Variants in EXOC6B observed in about 807,000 individuals in gnomAD.
EXOC6B encodes the protein exocyst complex component 6B.
In EXOC6B, 54 loss-of-function variants were observed where a neutral mutation model predicts 113.5. The ratio of observed to expected loss-of-function variants is 0.48; its 90% CI spans 0.38 to 0.60. The LOEUF is 0.60. EXOC6B is among the 20% of genes least tolerant of loss of function. EXOC6B has a pLI of 0.00. For missense variants in EXOC6B, 797 were observed against 977.5 expected (o/e 0.82, Z 2.46); for synonymous variants, 357 against 339.0 (o/e 1.05, Z -0.58).
chr2:72,627,067 CAT>C (rs527285605), intron 6 of EXOC6B, among the ~76,000 whole-genome samples: 3 of 152,068 alleles, frequency 2.0e-5, no homozygotes, highest in African/African-American at 7.2e-5. Context: ...AGATAAATAA[CAT>C]ATGTTTTGTA....
chr2:72,447,429 A>C (rs769048693), intron 18 of EXOC6B, among the ~76,000 whole-genome samples: 18 of 152,176 alleles, frequency 1.2e-4, no homozygotes, highest in Non-Finnish European at 2.4e-4. Context: ...TATACCTTCA[A>C]ATATATGAAG....
At chr2:72,234,138 G>A (rs1236394294) in intron 20 of EXOC6B, among the ~76,000 whole-genome samples, 1 of 149,676 alleles carries the variant, frequency 6.7e-6, no homozygotes, top group Non-Finnish European at 1.5e-5. Context: ...CTAGGCTGGA[G>A]TGCAGTGGTG....
intron 17 of EXOC6B, among the ~76,000 whole-genome samples, chr2:72,474,120 T>A (rs1197314542): frequency 6.6e-6 from 1 of 152,130 alleles, no homozygotes; most frequent in East Asian, 1.9e-4. Context: ...AGGTTTCTTC[T>A]GAGAAATCCA....
At chr2:72,349,647 T>G (rs1370878841) in intron 19 of EXOC6B, among the ~76,000 whole-genome samples, 1 of 152,188 alleles carries the variant, frequency 6.6e-6, no homozygotes, top group Non-Finnish European at 1.5e-5. Flanking sequence ...GGAGTGGACA[T>G]GGAAGATTGC....
intron 20 of EXOC6B, among the ~76,000 whole-genome samples, chr2:72,240,438 T>A (rs948977299): frequency 1.3e-5 from 2 of 151,828 alleles, no homozygotes; most frequent in African/African-American, 2.4e-5. Flanking sequence ...GAAAAAAAAA[T>A]AATAAAGCAA....
intron 20 of EXOC6B, among the ~76,000 whole-genome samples, chr2:72,322,257 T>C (rs1363518703): frequency 6.6e-6 from 1 of 152,194 alleles, no homozygotes; most frequent in East Asian, 1.9e-4. Flanking sequence ...AATGAACTAT[T>C]GACACCCCCA....
intron 15 of EXOC6B, among the ~76,000 whole-genome samples, chr2:72,493,334 C>CT (rs1699858626): frequency 4.0e-5 from 5 of 124,400 alleles, no homozygotes; most frequent in African/African-American, 2.2e-4. Context: ...CCCCCCCCCC[C>CT]GCATTTTTAC....
At chr2:72,362,258 A>G (rs142283588) in intron 19 of EXOC6B, among the ~76,000 whole-genome samples, 20 of 152,312 alleles carry the variant, frequency 1.3e-4, no homozygotes, top group African/African-American at 4.8e-4. Context: ...ATTACATTAC[A>G]TTTAAAAAGA....
chr2:72,248,026 A>G (rs996306936), intron 20 of EXOC6B, among the ~76,000 whole-genome samples: 1 of 152,206 alleles, frequency 6.6e-6, no homozygotes, highest in African/African-American at 2.4e-5. Flanking sequence ...ACCAAATCTC[A>G]GAGAGTGATT....
intron 20 of EXOC6B, among the ~76,000 whole-genome samples, chr2:72,225,890 G>C (rs1250759122): frequency 1.3e-5 from 2 of 152,066 alleles, no homozygotes; most frequent in Admixed American, 1.3e-4. Flanking sequence ...TAAATCTGTA[G>C]GACTGAGTCC....
Position 72,371,511 on chromosome 2 carries a change from G to A in EXOC6B, c.2122+8218C>T, listed in dbSNP as rs546997069. Among the ~76,000 whole-genome samples the A allele has an allele frequency of 3.8e-4, 57 of 151,980 alleles. 1 individual carries two copies. The highest frequency in any genetic ancestry group is 1.1e-3 in the African/African-American group (44 of 41,472). On this transcript the variant is annotated intron_variant, in intron 19 of 21. Coordinates refer to ENST00000272427, the MANE Select transcript of EXOC6B (RefSeq NM_015189.3). ...TCATGACCAAGTGGGATTTATCCCC[G>A]GGATGCAAGGATGGTTCAACATACA...
At chr2:72,614,198 G>A (rs866160869) in intron 6 of EXOC6B, among the ~76,000 whole-genome samples, 19 of 152,116 alleles carry the variant, frequency 1.2e-4, no homozygotes, top group African/African-American at 3.9e-4. Context: ...TGCAAGGCAA[G>A]GGATCAAACT....
At chr2:72,347,025 C>A (rs1356138473) in intron 19 of EXOC6B, among the ~76,000 whole-genome samples, 1 of 152,266 alleles carries the variant, frequency 6.6e-6, no homozygotes, top group East Asian at 1.9e-4. Flanking sequence ...CAATATGCAA[C>A]TCCCACCCTA....
At chr2:72,671,443 C>T (rs890904430) in intron 6 of EXOC6B, among the ~76,000 whole-genome samples, 1 of 152,126 alleles carries the variant, frequency 6.6e-6, no homozygotes, top group African/African-American at 2.4e-5. Context: ...GCCTGTAATC[C>T]CAGCACTCTG....
intron 20 of EXOC6B, among the ~76,000 whole-genome samples, chr2:72,190,766 A>C (rs1028350618): frequency 1.3e-5 from 2 of 152,212 alleles, no homozygotes; most frequent in African/African-American, 4.8e-5. Flanking sequence ...ACTCCCCAGA[A>C]GCTCATTCCT....
intron 18 of EXOC6B, among the ~76,000 whole-genome samples, chr2:72,381,262 G>A (rs1691661699): frequency 6.6e-6 from 1 of 152,142 alleles, no homozygotes; most frequent in South Asian, 2.1e-4. Context: ...AGATTTTGAA[G>A]TGTATTGTAT....
At chr2:72,428,508 A>G (rs1014469013) in intron 18 of EXOC6B, among the ~76,000 whole-genome samples, 8 of 152,184 alleles carry the variant, frequency 5.3e-5, no homozygotes, top group Non-Finnish European at 1.0e-4. Context: ...GCAGCAGACA[A>G]GTCTGACTGC....
rs1163864913 is a variant in EXOC6B at position 72,484,566 on chromosome 2, CAAAAAAA to C, written c.1666-3823_1666-3817del. ...TGGGCGACAGAGCGAGACTCCGTCA[CAAAAAAA>C]AAAAAAAAAAAAAAATTCCCTCCCC... On this transcript the variant is annotated intron_variant, in intron 16 of 21. Transcript: ENST00000272427. Among the ~76,000 whole-genome samples, 390 of 52,652 alleles carry C rather than the reference CAAAAAAA, an allele frequency of 7.4e-3. 3 individuals are homozygous for C. The highest frequency in any genetic ancestry group is 0.034 in the Middle Eastern group (2 of 58). The allele number at this position is 52,652 out of a possible 152,430, so 34.5% of individuals were successfully genotyped here.
intron 6 of EXOC6B, among the ~76,000 whole-genome samples, chr2:72,595,056 C>A (rs1340354974): frequency 6.6e-6 from 1 of 151,900 alleles, no homozygotes; most frequent in Non-Finnish European, 1.5e-5. Context: ...GTCAGGAGTT[C>A]AAGACCAACC....
Sources: allele counts gnomAD v4.1 joint callset (sites outside exome capture counted in the v4.1 genomes callset), GRCh38; gene constraint gnomAD v4.1.1; transcripts MANE v1.5; gene names NCBI Gene and HGNC (gene_info 2026-07-23, HGNC 2026-07-21).